Variants in ITPR1 observed in about 807,000 individuals in gnomAD.
ITPR1 encodes inositol 1,4,5-trisphosphate receptor type 1.
ITPR1 carries 96 observed loss-of-function variants against 318.4 expected under a neutral mutation model. That is an observed-to-expected ratio of 0.30 (90% confidence interval 0.26 to 0.36). The LOEUF is 0.36. ITPR1 is among the 10% of genes least tolerant of loss of function. The pLI, the probability that ITPR1 is intolerant of heterozygous loss-of-function variation, is 1.00. For missense variants in ITPR1, 2,440 were observed against 3,460.2 expected, an observed-to-expected ratio of 0.71 and a Z score of 7.40; for synonymous variants, 1,312 against 1,289.9, an observed-to-expected ratio of 1.02 and a Z score of -0.37.
chr3:4,656,239 C>T (rs185766082), intron 12 of ITPR1, among the ~76,000 whole-genome samples: 4 of 152,298 alleles, frequency 2.6e-5, no homozygotes, highest in East Asian at 3.9e-4. Flanking sequence ...ACACAGTGGA[C>T]GTAATGCAAT....
chr3:4,552,855 C>G (rs1268482384), intron 4 of ITPR1, among the ~76,000 whole-genome samples: 1 of 152,112 alleles, frequency 6.6e-6, no homozygotes, highest in African/African-American at 2.4e-5. Context: ...ATGCAAAAGA[C>G]ATCACTTTGG....
rs545162084 is a variant in ITPR1 at position 4,755,507 on chromosome 3, G to C, written c.5545-11023G>C. Among the ~76,000 whole-genome samples, 22 of 151,734 alleles carry C rather than the reference G, an allele frequency of 1.4e-4. 1 individual carries two copies. In the South Asian group the frequency reaches 4.4e-3, roughly 30 times the overall value. On this transcript the variant is annotated intron_variant, in intron 44 of 61. Coordinates refer to ENST00000649015, the MANE Select transcript of ITPR1 (RefSeq NM_001378452.1). ...TTCCACCTTGGCCTCCGGAAGTGCT[G>C]TGATTACAGCTGTAAGCCACCATAC...
At chr3:4,581,032 A>G (rs1049358906) in intron 4 of ITPR1, among the ~76,000 whole-genome samples, 2 of 152,148 alleles carry the variant, frequency 1.3e-5, no homozygotes, top group Admixed American at 1.3e-4. Flanking sequence ...CTGGGATATA[A>G]ACCTGTCCCG....
intron 4 of ITPR1, among the ~76,000 whole-genome samples, chr3:4,525,944 T>G (rs11708874): frequency 0.1 from 15,789 of 152,268 alleles, 837 homozygotes; most frequent in Middle Eastern, 0.15. Context: ...ATCTCTGCTC[T>G]TTTTAAATAT....
At chr3:4,655,365 C>A (rs548578870) in intron 12 of ITPR1, among the ~76,000 whole-genome samples, 27 of 152,060 alleles carry the variant, frequency 1.8e-4, no homozygotes, top group Non-Finnish European at 4.0e-4. Context: ...TCCTGGCCTC[C>A]TGGTACAGGA....
chr3:4,758,580 A>G (rs1311324608), intron 44 of ITPR1, among the ~76,000 whole-genome samples: 6 of 152,182 alleles, frequency 3.9e-5, no homozygotes, highest in Non-Finnish European at 7.4e-5. Flanking sequence ...CTTCATGGGT[A>G]TATGTCTAGG....
chr3:4,825,881 T>A, intron 60 of ITPR1: 1 of 447,938 alleles, frequency 2.2e-6, no homozygotes, highest in South Asian at 1.6e-5. Context: ...CATGATTAGA[T>A]AAGAGTAAGG....
Position 4,670,750 on chromosome 3 carries a change from A to G in ITPR1, c.2028A>G (p.Glu676=), listed in dbSNP as rs377194292. The change falls in exon 20 of 62, where the codon GAA becomes GAG. Residue 676 remains glutamate, a synonymous_variant. Coordinates refer to ENST00000649015, the MANE Select transcript of ITPR1 (RefSeq NM_001378452.1). ...CTAGGTTGGTTCTTTCTCGTTTTGA[A>G]TTTGAAGGTGTCTCTTCCACTGGAG... ...IETKLVLSRF[E]FEGVSSTGEN... is the part of the protein sequence containing the mutation. The G allele has an allele frequency of 1.3e-6, 2 of 1,596,948 alleles. No individual in the cohort carries two copies. Among genetic ancestry groups the G allele is most frequent in the Non-Finnish European group, 1.7e-6 (2 of 1,171,044 alleles).
chr3:4,678,018 T>C (rs1345423642), intron 24 of ITPR1, among the ~76,000 whole-genome samples: 1 of 152,208 alleles, frequency 6.6e-6, no homozygotes, highest in African/African-American at 2.4e-5. Flanking sequence ...GAAAGAATTA[T>C]GTGTTAGCAC....
intron 39 of ITPR1, among the ~76,000 whole-genome samples, chr3:4,716,835 A>C (rs2041801599): frequency 6.6e-6 from 1 of 152,210 alleles, no homozygotes; most frequent in African/African-American, 2.4e-5. Context: ...GAGGGAATAT[A>C]GTTTCCTTTA....
rs557936743 is a variant in ITPR1 at position 4,541,323 on chromosome 3, ATTTTAC to A, written c.163+20235_163+20240del. Among the ~76,000 whole-genome samples the A allele has an allele frequency of 1.2e-3, 187 of 152,176 alleles. 2 individuals are homozygous for A. The highest frequency in any genetic ancestry group is 4.2e-3 in the African/African-American group (173 of 41,524). ...AATATTCACTTTTAATTCTCTGAAA[ATTTTAC>A]TTTTATTTTTAGGTGACAGTTTTGC... On this transcript the variant is annotated intron_variant, in intron 4 of 61. Transcript: ENST00000649015.
intron 53 of ITPR1, among the ~76,000 whole-genome samples, chr3:4,797,580 A>G (rs910310262): frequency 2.6e-5 from 4 of 152,202 alleles, no homozygotes; most frequent in African/African-American, 7.2e-5. Flanking sequence ...CAGTCTTTCA[A>G]AAGCGTGCAA....
intron 44 of ITPR1, among the ~76,000 whole-genome samples, chr3:4,747,796 A>C (rs1452763249): frequency 6.6e-6 from 1 of 152,178 alleles, no homozygotes; most frequent in Non-Finnish European, 1.5e-5. Context: ...ACTGTGGAAG[A>C]GATTGACAGC....
intron 34 of ITPR1, among the ~76,000 whole-genome samples, chr3:4,698,701 T>G (rs2094596771): frequency 6.6e-6 from 1 of 152,222 alleles, no homozygotes; most frequent in African/African-American, 2.4e-5. Context: ...AATCAGTTAT[T>G]AATATCATTC....
intron 4 of ITPR1, among the ~76,000 whole-genome samples, chr3:4,551,424 C>G (rs2085553209): frequency 6.6e-6 from 1 of 152,198 alleles, no homozygotes; most frequent in East Asian, 1.9e-4. Context: ...CTTCTGATAG[C>G]TTCAGCATAC....
chr3:4,743,895 C>T (rs1401126918), intron 44 of ITPR1, among the ~76,000 whole-genome samples: 2 of 152,154 alleles, frequency 1.3e-5, no homozygotes, highest in Non-Finnish European at 2.9e-5. Flanking sequence ...AGTGCAGTGG[C>T]GCGATCTCAG....
chr3:4,693,617 A>G lies in ITPR1; in HGVS notation c.4157A>G (p.His1386Arg). The change falls in exon 33 of 62, where the codon CAC becomes CGC. Residue 1386 changes from histidine to arginine, a missense_variant. By Grantham distance (29) the His-to-Arg change is conservative. Coordinates refer to ENST00000649015, the MANE Select transcript of ITPR1 (RefSeq NM_001378452.1). ...AACAGCCCTCTCATGTACCACATCC[A>G]CTTGGTCGAGCTCCTGGCTGTGTGC... is the stretch of plus-strand genomic sequence containing the variant. ...DENSPLMYHI[H>R]LVELLAVCTE... 1 of 1,614,052 alleles carries G rather than the reference A, an allele frequency of 6.2e-7. No individual in the cohort carries two copies. Among genetic ancestry groups the G allele is most frequent in the Non-Finnish European group, 8.5e-7 (1 of 1,179,892 alleles).
intron 61 of ITPR1, among the ~76,000 whole-genome samples, chr3:4,844,261 A>G (rs765986415): frequency 6.6e-6 from 1 of 151,816 alleles, no homozygotes; most frequent in Non-Finnish European, 1.5e-5. Flanking sequence ...AGCTGGGACT[A>G]CAGGTGCACG....
At position 4,733,231 on chromosome 3, in the gene ITPR1, T is replaced by C. The variant is rs766245010; in HGVS notation, c.5353+11T>C. 6.2e-7 allele frequency: 1 copy of C among 1,613,738 alleles called. No individual in the cohort carries two copies. Among genetic ancestry groups the C allele is most frequent in the South Asian group, 1.1e-5 (1 of 91,072 alleles). Reference sequence around the variant, plus strand: ...AGCCCGGGGGAGGAGGTACGCTTTGTGGTGTAATTACCTTCGTGTGTGAAT... The same window carrying C: ...AGCCCGGGGGAGGAGGTACGCTTTGCGGTGTAATTACCTTCGTGTGTGAAT... On this transcript the variant is annotated intron_variant, in intron 43 of 61. Transcript: ENST00000649015.
Sources: allele counts gnomAD v4.1 joint callset (sites outside exome capture counted in the v4.1 genomes callset), GRCh38; gene constraint gnomAD v4.1.1; transcripts MANE v1.5; gene names NCBI Gene and HGNC (gene_info 2026-07-23, HGNC 2026-07-21).